The following LGSN variants were observed in gnomAD, a reference collection of about 807,000 sequenced individuals.
The protein encoded by LGSN is lengsin, lens protein with glutamine synthetase domain.
LGSN carries 21 observed loss-of-function variants against 19.5 expected under a neutral mutation model. The ratio of observed to expected loss-of-function variants is 1.07; its 90% CI spans 0.76 to 1.55. The LOEUF is 1.55. Ranked by LOEUF, LGSN falls within the 40% of genes most tolerant of loss-of-function variation. The pLI is 0.00. For synonymous variants in LGSN, 257 were observed against 215.6 expected, an observed-to-expected ratio of 1.19 and a Z score of -1.68; for missense variants, 673 against 608.5, an observed-to-expected ratio of 1.11 and a Z score of -1.12.
chr6:63,368,246 A>C, the LGSN span, among the ~76,000 whole-genome samples: 1 of 152,162 alleles, frequency 6.6e-6, no homozygotes, highest in Non-Finnish European at 1.5e-5. Flanking sequence ...GAATCATGGC[A>C]TTTCCTGGGG....
intron 3 of LGSN, among the ~76,000 whole-genome samples, chr6:63,281,829 A>C (rs1246490160): frequency 6.6e-6 from 1 of 152,132 alleles, no homozygotes. Context: ...AGAATTAAAA[A>C]CCTCACTGTC....
At chr6:63,470,171 C>G in the LGSN span, among the ~76,000 whole-genome samples, 5 of 151,798 alleles carry the variant, frequency 3.3e-5, no homozygotes, top group Non-Finnish European at 7.4e-5. Context: ...CAGGCAGGCA[C>G]GCACTCAGAC....
the LGSN span, among the ~76,000 whole-genome samples, chr6:63,426,370 A>G: frequency 6.6e-6 from 1 of 152,202 alleles, no homozygotes; most frequent in Non-Finnish European, 1.5e-5. Flanking sequence ...TAAAATTGAT[A>G]TTAGAACTAT....
chr6:63,471,597 G>A, the LGSN span, among the ~76,000 whole-genome samples: 9 of 151,600 alleles, frequency 5.9e-5, no homozygotes, highest in Non-Finnish European at 1.2e-4. Context: ...CTGGGGAGGT[G>A]GAGGTTGCAG....
chr6:63,514,440 C>T, the LGSN span, among the ~76,000 whole-genome samples: 1 of 152,194 alleles, frequency 6.6e-6, no homozygotes, highest in Non-Finnish European at 1.5e-5. Flanking sequence ...GTTGGTCAGG[C>T]TGGTCTTGAA....
the LGSN span, among the ~76,000 whole-genome samples, chr6:63,416,931 G>A: frequency 9.8e-5 from 2 of 20,484 alleles, no homozygotes; most frequent in African/African-American, 2.9e-4. Context: ...ACATATGTAT[G>A]TACACACACA....
the LGSN span, among the ~76,000 whole-genome samples, chr6:63,541,644 T>G: frequency 1.2e-4 from 19 of 152,292 alleles, no homozygotes; most frequent in African/African-American, 4.3e-4. Context: ...TATCACCCCT[T>G]GATTGATGAA....
the LGSN span, among the ~76,000 whole-genome samples, chr6:63,405,343 C>A: frequency 5.3e-5 from 8 of 151,800 alleles, no homozygotes; most frequent in East Asian, 1.9e-4. Context: ...GCTGGGTCAA[C>A]TGGTATTTCT....
At chr6:63,459,338 G>A in the LGSN span, among the ~76,000 whole-genome samples, 1 of 152,044 alleles carries the variant, frequency 6.6e-6, no homozygotes, top group African/African-American at 2.4e-5. Flanking sequence ...AAAAGCTTTG[G>A]AAAATACGCC....
rs1393165511 is a variant in LGSN at position 63,281,036 on chromosome 6, G to A, written c.515C>T (p.Thr172Ile). 4 of 1,613,888 alleles carry A rather than the reference G, an allele frequency of 2.5e-6. No homozygotes were observed. The highest frequency in any genetic ancestry group is 1.1e-5 in the South Asian group (1 of 91,086). Residue 172 changes from threonine to isoleucine, a missense_variant, in exon 4 of 4, where the codon ACC becomes ATC. By Grantham distance (89) the Thr-to-Ile change is moderately conservative (BLOSUM62 -1). Transcript: ENST00000370657. Reference protein sequence around the residue: ...ADRTARVICDTFTVTGEPLLT... With the variant: ...ADRTARVICDIFTVTGEPLLT... ...AAGAGGCTCACCAGTCACAGTGAAG[G>A]TATCACATATCACTCTTGCAGTTCT... is the stretch of plus-strand genomic sequence containing the variant.
At chr6:63,453,083 T>C in the LGSN span, among the ~76,000 whole-genome samples, 4 of 152,196 alleles carry the variant, frequency 2.6e-5, no homozygotes, top group Non-Finnish European at 5.9e-5. Context: ...AGTTTTTTAA[T>C]ATTTGGAGAT....
chr6:63,533,082 A>G, the LGSN span, among the ~76,000 whole-genome samples: 1 of 152,194 alleles, frequency 6.6e-6, no homozygotes, highest in African/African-American at 2.4e-5. Context: ...GACTTGATAG[A>G]TTAAAAGAAA....
chr6:63,517,684 A>G, the LGSN span, among the ~76,000 whole-genome samples: 1 of 152,174 alleles, frequency 6.6e-6, no homozygotes, highest in Admixed American at 6.6e-5. Context: ...CTTTTATATC[A>G]GAAATTGTCA....
the LGSN span, among the ~76,000 whole-genome samples, chr6:63,530,004 T>C: frequency 6.6e-6 from 1 of 152,186 alleles, no homozygotes; most frequent in Non-Finnish European, 1.5e-5. Flanking sequence ...TTATGAGTAA[T>C]ATTTCACTTT....
At chr6:63,435,387 A>G in the LGSN span, among the ~76,000 whole-genome samples, 1 of 152,236 alleles carries the variant, frequency 6.6e-6, no homozygotes. Flanking sequence ...AAACTTCTAT[A>G]TAAAAGCTAG....
the LGSN span, among the ~76,000 whole-genome samples, chr6:63,532,243 C>A: frequency 3.9e-5 from 6 of 152,228 alleles, no homozygotes; most frequent in Non-Finnish European, 8.8e-5. Context: ...TCTAGTGTCA[C>A]AATTTATTAT....
chr6:63,323,763 T>C (rs1769153402), upstream of LGSN, among the ~76,000 whole-genome samples: 2 of 149,894 alleles, frequency 1.3e-5, no homozygotes, highest in Non-Finnish European at 3.0e-5. Context: ...ATCTCGTATG[T>C]TTTTGCATTC....
the LGSN span, among the ~76,000 whole-genome samples, chr6:63,540,254 C>T: frequency 7.9e-6 from 1 of 126,718 alleles, no homozygotes; most frequent in African/African-American, 2.9e-5. Context: ...AAGGCAGGAG[C>T]CCAGATGTAT....
chr6:63,423,961 A>G, the LGSN span, among the ~76,000 whole-genome samples: 2 of 152,120 alleles, frequency 1.3e-5, no homozygotes, highest in Non-Finnish European at 2.9e-5. Flanking sequence ...AATCACTTGA[A>G]CCTGGGAGGC....
Sources: gnomAD v4.1 joint callset for allele counts (sites outside exome capture counted in the v4.1 genomes callset) on GRCh38, gnomAD v4.1.1 for gene constraint, MANE v1.5 for transcripts, NCBI Gene and HGNC (gene_info 2026-07-23, HGNC 2026-07-21) for gene names.